Variants in MYLK observed in about 807,000 individuals in gnomAD.
MYLK encodes the protein myosin light chain kinase, smooth muscle.
MYLK carries 106 observed loss-of-function variants against 203.4 expected under a neutral mutation model. That is an observed-to-expected ratio of 0.52 (90% CI 0.45 to 0.61). The LOEUF is 0.61. MYLK is among the 20% of genes least tolerant of loss of function. MYLK has a pLI of 0.00. For synonymous variants in MYLK, 867 were observed against 959.5 expected, an observed-to-expected ratio of 0.90 and a Z score of 1.78; for missense variants, 2,072 against 2,442.3, an observed-to-expected ratio of 0.85 and a Z score of 3.20.
chr3:123,650,797 C>A (rs2059186049), intron 24 of MYLK, among the ~76,000 whole-genome samples: 1 of 152,160 alleles, frequency 6.6e-6, no homozygotes, highest in Non-Finnish European at 1.5e-5. Context: ...AGCAATGCAA[C>A]TAGAAGCCAG....
At chr3:123,770,534 T>C (rs1320428047) in intron 4 of MYLK, among the ~76,000 whole-genome samples, 3 of 152,196 alleles carry the variant, frequency 2.0e-5, no homozygotes, top group African/African-American at 7.2e-5. Flanking sequence ...CCATTCCACA[T>C]GGGCATCACT....
chr3:123,839,382 A>G (rs1460005177), intron 2 of MYLK, among the ~76,000 whole-genome samples: 1 of 152,212 alleles, frequency 6.6e-6, no homozygotes, highest in African/African-American at 2.4e-5. Context: ...AAATGTAAGC[A>G]CTAATCAAAA....
chr3:123,755,838 G>C (rs564133789), intron 4 of MYLK, among the ~76,000 whole-genome samples: 1 of 152,294 alleles, frequency 6.6e-6, no homozygotes, highest in South Asian at 2.1e-4. Context: ...GCCATGTATA[G>C]ACTCTTACTT....
chr3:123,809,721 C>A (rs1327652305), intron 3 of MYLK, among the ~76,000 whole-genome samples: 1 of 152,178 alleles, frequency 6.6e-6, no homozygotes, highest in Non-Finnish European at 1.5e-5. Flanking sequence ...ACCTATTTGA[C>A]AATCCCAGTT....
At chr3:123,781,206 G>C (rs1031363122) in intron 4 of MYLK, among the ~76,000 whole-genome samples, 6 of 152,232 alleles carry the variant, frequency 3.9e-5, no homozygotes, top group African/African-American at 1.2e-4. Context: ...AACAACTGGA[G>C]GCTTCTGGCC....
chr3:123,703,286 C>A (rs1240425952), intron 16 of MYLK, among the ~76,000 whole-genome samples: 1 of 152,206 alleles, frequency 6.6e-6, no homozygotes, highest in Non-Finnish European at 1.5e-5. Context: ...CAAGGAGAAG[C>A]CAATCGTTGC....
intron 12 of MYLK, among the ~76,000 whole-genome samples, chr3:123,724,566 T>C (rs2062211108): frequency 6.6e-6 from 1 of 152,010 alleles, no homozygotes; most frequent in African/African-American, 2.4e-5. Context: ...GAACACTACA[T>C]GTAGGAAGAC....
chr3:123,851,765 G>A (rs1167988762), intron 2 of MYLK, among the ~76,000 whole-genome samples: 1 of 152,060 alleles, frequency 6.6e-6, no homozygotes, highest in African/African-American at 2.4e-5. Flanking sequence ...GCCCTGGCCA[G>A]AACTTCCAAC....
intron 24 of MYLK, among the ~76,000 whole-genome samples, chr3:123,654,235 A>C (rs188507733): frequency 2.2e-4 from 34 of 152,310 alleles, no homozygotes; most frequent in Non-Finnish European, 3.5e-4. Flanking sequence ...TGCTAGCATA[A>C]AATTGTAAAG....
Position 123,734,253 on chromosome 3 carries a change from G to A in MYLK, c.774-31C>T. ...TGGTGGTGAGGGTGGGGGTAGGGTG[G>A]GTGAGGAGAGGGGAGAATAGAATGA... is the stretch of plus-strand genomic sequence containing the variant. On this transcript the variant is annotated intron_variant, in intron 9 of 33. Transcript: ENST00000360304. 7 of 1,415,810 alleles carry A rather than the reference G, an allele frequency of 4.9e-6. 1 individual carries two copies. Among genetic ancestry groups the A allele is most frequent in the Non-Finnish European group, 6.5e-6 (7 of 1,069,562 alleles). The allele number at this position is 1,415,810 out of a possible 1,614,324, so 87.7% of individuals were successfully genotyped here.
chr3:123,692,591 C>T, intron 19 of MYLK, 144 bp downstream of exon 19: 1 of 853,506 alleles, frequency 1.2e-6, no homozygotes, highest in Non-Finnish European at 2.0e-6. Flanking sequence ...AAAAGATATT[C>T]ATTCATCCAA....
chr3:123,821,441 A>C (rs2065934560), intron 3 of MYLK, among the ~76,000 whole-genome samples: 1 of 152,252 alleles, frequency 6.6e-6, no homozygotes, highest in African/African-American at 2.4e-5. Flanking sequence ...TTTAGCAGTA[A>C]GAATGAATTT....
chr3:123,640,472 A>G lies in MYLK; in HGVS notation c.4652T>C (p.Ile1551Thr). ...CTCCGTCAGCTCAAAGTCCTCGTCA[A>G]TGATGCGCTCAAACAGCTCCCCTCC... ...VSGGELFERIIDEDFELTERE... is the reference protein window; with the variant it reads ...VSGGELFERITDEDFELTERE... The change falls in exon 28 of 34, where the codon ATT (isoleucine) becomes ACT (threonine). Residue 1551 changes from isoleucine to threonine, a missense_variant. Transcript: ENST00000360304. This position sits in a 1 kb window ranked among gnomAD's most constrained non-coding sequence, Gnocchi z 4.3. 6.2e-7 allele frequency: 1 copy of G among 1,613,970 alleles called. No homozygotes were observed. The highest frequency in any genetic ancestry group is 2.2e-5 in the East Asian group (1 of 44,850).
chr3:123,862,724 C>T (rs376242836), intron 2 of MYLK, among the ~76,000 whole-genome samples: 1 of 152,092 alleles, frequency 6.6e-6, no homozygotes, highest in East Asian at 1.9e-4. Flanking sequence ...AGAACCAATC[C>T]CCTGATGCTA....
At chr3:123,627,563 C>G (rs2058209578) in intron 30 of MYLK, among the ~76,000 whole-genome samples, 1 of 152,272 alleles carries the variant, frequency 6.6e-6, no homozygotes, top group South Asian at 2.1e-4. Flanking sequence ...GAGCCATTGC[C>G]TTAACTGTAA....
chr3:123,834,792 T>C (rs2066433663), intron 2 of MYLK, among the ~76,000 whole-genome samples: 1 of 152,140 alleles, frequency 6.6e-6, no homozygotes, highest in Admixed American at 6.5e-5. Context: ...TGCTCTAAAA[T>C]ACCAATTAAG....
At chr3:123,631,638 AGCT>A (rs1559988907) in intron 29 of MYLK, among the ~76,000 whole-genome samples, 1 of 152,152 alleles carries the variant, frequency 6.6e-6, no homozygotes, top group Non-Finnish European at 1.5e-5. Flanking sequence ...AAGAGAAGAA[AGCT>A]TTTACAATGT....
rs1560155884 is a variant in MYLK at position 123,738,917 on chromosome 3, G to A, written c.568C>T (p.Pro190Ser). ...FSCKITGRPQ[P>S]QVTWLKGNVP... ...CTCACCTTGAGCCAGGTGACCTGCG[G>A]TTGGGGCCGGCCAGTGATCTTGCAG... The change falls in exon 7 of 34, where the codon CCG (proline) becomes TCG (serine). Residue 190 changes from proline to serine, a missense_variant. Coordinates refer to ENST00000360304, the MANE Select transcript of MYLK (RefSeq NM_053025.4). 1.9e-6 allele frequency: 3 copies of A among 1,611,846 alleles called. No homozygotes were observed. Among genetic ancestry groups the A allele is most frequent in the Non-Finnish European group, 1.7e-6 (2 of 1,178,984 alleles).
rs759835751 is a variant in MYLK at position 123,736,348 on chromosome 3, TAAG to T, written c.755-935_755-933del. On this transcript the variant is annotated intron_variant, in intron 8 of 33. Transcript: ENST00000360304. ...AACAAGAGCAAAGATGAATCGTTTCTAAGAAGAAGGAGATGCAGAACAGAAAAA... is the reference window on the plus strand; with the variant it reads ...AACAAGAGCAAAGATGAATCGTTTCTAAGAAGGAGATGCAGAACAGAAAAA... Among the ~76,000 whole-genome samples, 11 of 152,250 alleles carry T rather than the reference TAAG, an allele frequency of 7.2e-5. 2 individuals are homozygous for T. Among genetic ancestry groups the T allele is most frequent in the South Asian group, 2.1e-4 (1 of 4,816 alleles).
Sources: allele counts gnomAD v4.1 joint callset (sites outside exome capture counted in the v4.1 genomes callset), GRCh38; gene constraint gnomAD v4.1.1; non-coding constraint Gnocchi (gnomAD v3.1); transcripts MANE v1.5; gene names NCBI Gene and HGNC (gene_info 2026-07-23, HGNC 2026-07-21).